POFUT3: variants seen among roughly 807,000 people sequenced by gnomAD.
POFUT3 encodes the protein GDP-fucose protein O-fucosyltransferase 3.
the POFUT3 span, chr8:33,388,943 C>A: frequency 8.8e-6 from 14 of 1,598,560 alleles, no homozygotes; most frequent in Non-Finnish European, 1.1e-5. Flanking sequence ...TGGCTCTATG[C>A]CCACCTTTGA....
chr8:33,343,095 A>G, the POFUT3 span, among the ~76,000 whole-genome samples: 3 of 150,116 alleles, frequency 2.0e-5, no homozygotes, highest in African/African-American at 7.4e-5. Flanking sequence ...TGGGCGACAG[A>G]GCAAGACTCC....
the POFUT3 span, among the ~76,000 whole-genome samples, chr8:33,342,846 C>T: frequency 6.6e-6 from 1 of 152,158 alleles, no homozygotes; most frequent in Non-Finnish European, 1.5e-5. Context: ...TGGCTCACAC[C>T]TGTAAAGCCA....
At chr8:33,308,634 G>C in the POFUT3 span, among the ~76,000 whole-genome samples, 17 of 152,178 alleles carry the variant, frequency 1.1e-4, no homozygotes, top group Non-Finnish European at 1.9e-4. Flanking sequence ...TGAGCCCCTT[G>C]AGGCATTCAT....
the POFUT3 span, among the ~76,000 whole-genome samples, chr8:33,318,176 G>A: frequency 6.6e-6 from 1 of 151,822 alleles, no homozygotes; most frequent in Non-Finnish European, 1.5e-5. Flanking sequence ...ATTCCATAGT[G>A]CAGCAAAGTG....
chr8:33,438,710 C>T, the POFUT3 span, among the ~76,000 whole-genome samples: 77 of 152,226 alleles, frequency 5.1e-4, no homozygotes, highest in Non-Finnish European at 9.9e-4. Flanking sequence ...GCCTCACAAT[C>T]GTGGTGGAAG....
the POFUT3 span, among the ~76,000 whole-genome samples, chr8:33,472,314 T>A: frequency 5.3e-5 from 8 of 152,130 alleles, no homozygotes; most frequent in Non-Finnish European, 1.2e-4. Flanking sequence ...GGGGCCGTGG[T>A]GTTAGAAAAA....
At chr8:33,470,941 G>A in the POFUT3 span, among the ~76,000 whole-genome samples, 5 of 151,858 alleles carry the variant, frequency 3.3e-5, no homozygotes, top group African/African-American at 7.3e-5. Context: ...TCATCACAAA[G>A]TAAGATTTCC....
chr8:33,319,464 ATATAT>A, the POFUT3 span, among the ~76,000 whole-genome samples: 1 of 47,616 alleles, frequency 2.1e-5, no homozygotes, highest in Non-Finnish European at 3.2e-5. Context: ...ATATAAATGT[ATATAT>A]TTTATATATT....
the POFUT3 span, among the ~76,000 whole-genome samples, chr8:33,364,786 T>C: frequency 2.6e-5 from 4 of 152,098 alleles, no homozygotes; most frequent in Non-Finnish European, 4.4e-5. Flanking sequence ...AATGGAAGAA[T>C]ATTCCATGCT....
the POFUT3 span, among the ~76,000 whole-genome samples, chr8:33,398,663 G>GTT: frequency 2.6e-5 from 4 of 152,064 alleles, no homozygotes; most frequent in Non-Finnish European, 5.9e-5. Context: ...ACAACCCCCT[G>GTT]TGACACAAAT....
At chr8:33,343,799 G>C in the POFUT3 span, among the ~76,000 whole-genome samples, 1 of 152,242 alleles carries the variant, frequency 6.6e-6, no homozygotes, top group African/African-American at 2.4e-5. Flanking sequence ...ATTTGGAGCA[G>C]AAACTCACAC....
At chr8:33,367,192 C>T in the POFUT3 span, among the ~76,000 whole-genome samples, 1 of 152,350 alleles carries the variant, frequency 6.6e-6, no homozygotes, top group East Asian at 1.9e-4. Flanking sequence ...GTGACATGTT[C>T]ATGATGGCCA....
the POFUT3 span, among the ~76,000 whole-genome samples, chr8:33,460,247 G>C: frequency 6.6e-6 from 1 of 151,902 alleles, no homozygotes; most frequent in Admixed American, 6.6e-5. Context: ...CCAGCTACTG[G>C]AGATGCTGAG....
chr8:33,330,343 C>T, the POFUT3 span, among the ~76,000 whole-genome samples: 1 of 152,112 alleles, frequency 6.6e-6, no homozygotes, highest in Non-Finnish European at 1.5e-5. Flanking sequence ...ACTCTGGAGG[C>T]TGAGGCAGGA....
the POFUT3 span, among the ~76,000 whole-genome samples, chr8:33,432,924 T>A: frequency 1.3e-3 from 204 of 152,230 alleles, 1 homozygote; most frequent in African/African-American, 4.7e-3. Context: ...TCTTGTAGCA[T>A]ATAGAAGTAC....
At chr8:33,356,133 C>T in the POFUT3 span, among the ~76,000 whole-genome samples, 24 of 152,126 alleles carry the variant, frequency 1.6e-4, no homozygotes, top group African/African-American at 5.1e-4. Flanking sequence ...AATAAACATA[C>T]GTGTGCATGT....
chr8:33,360,489 T>C, the POFUT3 span, among the ~76,000 whole-genome samples: 2 of 133,444 alleles, frequency 1.5e-5, no homozygotes, highest in Non-Finnish European at 3.2e-5. Context: ...TAAATAAATA[T>C]CAGGAAACTT....
the POFUT3 span, among the ~76,000 whole-genome samples, chr8:33,349,703 T>C: frequency 1.3e-5 from 2 of 152,228 alleles, no homozygotes; most frequent in African/African-American, 4.8e-5. Flanking sequence ...TTTAGGCTAG[T>C]TCCATATTTT....
the POFUT3 span, among the ~76,000 whole-genome samples, chr8:33,378,486 C>CA: frequency 6.6e-6 from 1 of 152,024 alleles, no homozygotes; most frequent in Admixed American, 6.6e-5. Flanking sequence ...GCTTGGCTGC[C>CA]AAGAGAAGAA....
Sources: gnomAD v4.1 joint callset for allele counts (sites outside exome capture counted in the v4.1 genomes callset) on GRCh38, gnomAD v4.1.1 for gene constraint, MANE v1.5 for transcripts, NCBI Gene and HGNC (gene_info 2026-07-23, HGNC 2026-07-21) for gene names.